PIP5K1C: variants seen among roughly 807,000 people sequenced by gnomAD.
The protein encoded by PIP5K1C is phosphatidylinositol-4-phosphate 5-kinase type 1 gamma.
In PIP5K1C, 45 loss-of-function variants were observed where a neutral mutation model predicts 80.1. That is an observed-to-expected ratio of 0.56 (90% CI 0.44 to 0.72). PIP5K1C has a LOEUF of 0.72. Ranked by LOEUF, PIP5K1C falls within the 30% of genes least tolerant of loss-of-function variation. The pLI, the probability that PIP5K1C is intolerant of heterozygous loss-of-function variation, is 0.00. For missense variants in PIP5K1C, 753 were observed against 954.6 expected, an observed-to-expected ratio of 0.79 and a Z score of 2.78; for synonymous variants, 498 against 420.1, an observed-to-expected ratio of 1.19 and a Z score of -2.27.
intron 3 of PIP5K1C, among the ~76,000 whole-genome samples, chr19:3,664,431 G>A (rs563049369): frequency 6.6e-6 from 1 of 152,328 alleles, no homozygotes. Flanking sequence ...CAGAGTGGGG[G>A]TCAGGCTTCC....
At chr19:3,681,067 C>T (rs539933746) in intron 1 of PIP5K1C, among the ~76,000 whole-genome samples, 10 of 152,118 alleles carry the variant, frequency 6.6e-5, no homozygotes, top group South Asian at 2.1e-4. Context: ...GGTAGAATCT[C>T]GCCCCTGTTC....
intron 1 of PIP5K1C, among the ~76,000 whole-genome samples, chr19:3,672,200 C>T (rs1318320837): frequency 3.9e-5 from 6 of 152,372 alleles, no homozygotes; most frequent in African/African-American, 1.4e-4. Context: ...CTGAAGCCAG[C>T]TCGAGCCCTA....
chr19:3,678,814 G>A (rs1176369119), intron 1 of PIP5K1C, among the ~76,000 whole-genome samples: 1 of 130,402 alleles, frequency 7.7e-6, no homozygotes, highest in Non-Finnish European at 1.6e-5. Flanking sequence ...TGGAGGGATG[G>A]AGGATGAAGG....
intron 1 of PIP5K1C, among the ~76,000 whole-genome samples, chr19:3,682,910 G>A (rs7257141): frequency 6.6e-6 from 1 of 151,306 alleles, no homozygotes. Context: ...TTGCTGGACA[G>A]AGGCCCAGAT....
chr19:3,678,490 G>C (rs964343460), intron 1 of PIP5K1C, among the ~76,000 whole-genome samples: 4 of 124,956 alleles, frequency 3.2e-5, no homozygotes, highest in African/African-American at 1.3e-4. Context: ...GAGGGATGGA[G>C]GCAAGGAGGA....
chr19:3,656,251 G>A (rs2034627141), intron 6 of PIP5K1C, among the ~76,000 whole-genome samples, 154 bp downstream of exon 6: 1 of 152,210 alleles, frequency 6.6e-6, no homozygotes, highest in African/African-American at 2.4e-5. Context: ...AAGCCTGACG[G>A]GGGACCCCCG....
At chr19:3,645,885 T>G in intron 11 of PIP5K1C, 89 bp downstream of exon 11, 2 of 988,210 alleles carry the variant, frequency 2.0e-6, no homozygotes, top group Non-Finnish European at 3.3e-6. Context: ...CCCAGGGGGC[T>G]CTCGGCCTCC....
chr19:3,646,157 T>C (rs1350162558), intron 10 of PIP5K1C, 99 bp from the exon 11 acceptor site: 2 of 768,534 alleles, frequency 2.6e-6, no homozygotes, highest in Admixed American at 3.7e-5. Context: ...GGGGGGCACC[T>C]TCTGTGTGAA....
At chr19:3,664,752 C>CTA in intron 3 of PIP5K1C, 70 bp downstream of exon 3, 1 of 1,277,414 alleles carries the variant, frequency 7.8e-7, no homozygotes, top group Admixed American at 1.7e-5. Flanking sequence ...CCCATCCATG[C>CTA]TACCAGTGGG....
At chr19:3,640,494 C>G (rs564280167) in intron 15 of PIP5K1C, among the ~76,000 whole-genome samples, 102 of 152,230 alleles carry the variant, frequency 6.7e-4, no homozygotes, top group African/African-American at 2.5e-3. Context: ...CCAGCCTGGG[C>G]AACAGAGCGA....
chr19:3,681,068 GC>G (rs2035575066), intron 1 of PIP5K1C, among the ~76,000 whole-genome samples: 1 of 151,980 alleles, frequency 6.6e-6, no homozygotes, highest in African/African-American at 2.4e-5. Context: ...GTAGAATCTC[GC>G]CCCTGTTCGC....
rs1335456813 is a variant in PIP5K1C at position 3,653,543 on chromosome 19, A to G, written c.668T>C (p.Leu223Pro). 1 of 1,612,588 alleles carries G rather than the reference A, an allele frequency of 6.2e-7. No individual in the cohort carries two copies. Among genetic ancestry groups the G allele is most frequent in the Non-Finnish European group, 8.5e-7 (1 of 1,179,098 alleles). Residue 223 changes from leucine (L) to proline (P), a missense_variant, in exon 7 of 18, where the codon CTG becomes CCG. This residue lies in a region of PIP5K1C where 139 missense variants were observed against 289.7 expected (regional missense o/e 0.48). Transcript: ENST00000335312. ...PRTLLPKFYG[L>P]YCVQSGGKNI... The stretch of plus-strand genomic sequence containing the variant: ...CTTGCCCCCCGACTGCACGCAGTAC[A>G]GCCCATAGAACTTGGGCAGCAGCGT...
intron 11 of PIP5K1C, among the ~76,000 whole-genome samples, 194 bp downstream of exon 11, chr19:3,645,780 G>A (rs2034187813): frequency 6.6e-6 from 1 of 152,204 alleles, no homozygotes; most frequent in Admixed American, 6.5e-5. Context: ...CCAGACCCGT[G>A]CTCTACCGCT....
intron 1 of PIP5K1C, among the ~76,000 whole-genome samples, chr19:3,698,336 G>A (rs2036190424): frequency 6.6e-6 from 1 of 152,228 alleles, no homozygotes; most frequent in Non-Finnish European, 1.5e-5. Context: ...GGAAGTGACG[G>A]CCACACAGCA....
rs774069288 is a variant in PIP5K1C at position 3,648,726 on chromosome 19, G to A, written c.1128-18C>T. On this transcript the variant is annotated intron_variant, in intron 8 of 17. Transcript: ENST00000335312. This position sits in a 1 kb window ranked among gnomAD's most constrained non-coding sequence, Gnocchi z 4.3. ...CGCCCATCCTGGGGAGAGAGGCCGA[G>A]GGTACCATCAGCATCCCGCAGAGCT... 1.2e-5 allele frequency: 20 copies of A among 1,609,260 alleles called. No individual in the cohort carries two copies. The Admixed American group carries it at 3.2e-4, about 25-fold the overall frequency.
rs1246354700 is a variant in PIP5K1C, at chr19:3,637,429, A to G, written c.1920+1455T>C. 3 of 1,535,468 alleles carry G rather than the reference A, an allele frequency of 2.0e-6. No homozygotes were observed. The highest frequency in any genetic ancestry group is 2.6e-6 in the Non-Finnish European group (3 of 1,146,798). On this transcript the variant is annotated intron_variant, in intron 16 of 17. Transcript: ENST00000335312. This position sits in a 1 kb window ranked among gnomAD's most constrained non-coding sequence, Gnocchi z 7.0. ...CGTGATTTACCCAAAGCCCTTCTGG[A>G]AAACAACTGACGTCAGACACTGAGC... is the stretch of plus-strand genomic sequence containing the variant.
In PIP5K1C at chr19:3,637,973, G is replaced by C. The variant is rs966188028; in HGVS notation, c.1920+911C>G. On this transcript the variant is annotated intron_variant, in intron 16 of 17. Coordinates refer to ENST00000335312, the MANE Select transcript of PIP5K1C (RefSeq NM_012398.3). This position sits in a 1 kb window ranked among gnomAD's most constrained non-coding sequence, Gnocchi z 7.0. Reference sequence around the variant, plus strand: ...GCGGCCCGTCCCTCCCTTCTCCAGGGCCAGGTGGGTGCATGGGGACCCCAG... The same window carrying C: ...GCGGCCCGTCCCTCCCTTCTCCAGGCCCAGGTGGGTGCATGGGGACCCCAG... 2.5e-5 allele frequency: 39 copies of C among 1,531,790 alleles called. No homozygotes were observed. The African/African-American group carries it at 4.6e-4, about 18-fold the overall frequency. 94.9% of individuals were successfully genotyped at this position (1,531,790 alleles called of 1,614,324 possible).
intron 1 of PIP5K1C, among the ~76,000 whole-genome samples, chr19:3,678,521 G>GGGAGGGATGGAT (rs777223875): frequency 8.5e-6 from 1 of 118,268 alleles, no homozygotes; most frequent in Non-Finnish European, 1.8e-5. Flanking sequence ...GTGGGATGGA[G>GGGAGGGATGGAT]GGAGGGATGG....
intron 1 of PIP5K1C, among the ~76,000 whole-genome samples, chr19:3,681,377 T>C (rs2035584068): frequency 6.6e-6 from 1 of 151,882 alleles, no homozygotes; most frequent in African/African-American, 2.4e-5. Context: ...ATTACAGGCG[T>C]TCACCACTAC....
Sources: gnomAD v4.1 joint callset for allele counts (sites outside exome capture counted in the v4.1 genomes callset) on GRCh38, gnomAD v4.1.1 for gene constraint, gnomAD v4.1.1 regional missense constraint, Gnocchi (gnomAD v3.1) non-coding constraint, MANE v1.5 for transcripts, NCBI Gene and HGNC (gene_info 2026-07-23, HGNC 2026-07-21) for gene names.